SLITRK2: variants seen among roughly 807,000 people sequenced by gnomAD.
The protein encoded by SLITRK2 is SLIT and NTRK like family member 2.
A neutral mutation model predicts 35.4 loss-of-function variants in SLITRK2; 13 were observed. The ratio of observed to expected loss-of-function variants is 0.37; its 90% CI spans 0.24 to 0.58. The LOEUF (loss-of-function observed/expected upper bound fraction) is 0.58, where lower values mean the gene tolerates loss of function less well. Among genes scored for constraint, SLITRK2 ranks in the 20% least tolerant of loss-of-function variants. SLITRK2 has a pLI of 0.75. For missense variants in SLITRK2, 471 were observed against 634.3 expected (o/e 0.74, Z 2.76); for synonymous variants, 294 against 264.7 (o/e 1.11, Z -1.07).
Position 145,827,733 on chromosome X carries a change from T to C in SLITRK2, c.*2770T>C. ...TCATACATCATATACTTTGAACCTTTATTTTCTAATGCAATCATAAACATT... is the reference window on the plus strand; with the variant it reads ...TCATACATCATATACTTTGAACCTTCATTTTCTAATGCAATCATAAACATT... On this transcript the variant is annotated 3_prime_UTR_variant, in exon 5 of 5. Transcript: ENST00000335565. 1 of 1,194,901 alleles carries C rather than the reference T, an allele frequency of 8.4e-7. No homozygotes were observed. Among genetic ancestry groups the C allele is most frequent in the Non-Finnish European group, 1.1e-6 (1 of 882,649 alleles).
In SLITRK2 at chrX:145,827,783, T is replaced by G. The variant is rs3752359; in HGVS notation, c.*2820T>G. 29,302 of 1,209,931 alleles carry G rather than the reference T, an allele frequency of 0.024. 1,849 individuals carry two copies. The East Asian group carries it at 0.31, about 13-fold the overall frequency. On this transcript the variant is annotated 3_prime_UTR_variant, in exon 5 of 5. Coordinates refer to ENST00000335565, the MANE Select transcript of SLITRK2 (RefSeq NM_032539.5). ...TTTAAGTTTTATTAACTCACTAGCA[T>G]CCCCACTGACTATATTCTGTTTTGC...
At position 145,824,543 on chromosome X, in the gene SLITRK2, A is replaced by G. The variant is rs782442564; in HGVS notation, c.2118A>G (p.Gly706=). Reference sequence around the variant, plus strand: ...ACCCCATCTACATGCAGAAGGAAGGAGACCCAGTAGCCTATTACCGAAACC... The same window carrying G: ...ACCCCATCTACATGCAGAAGGAAGGGGACCCAGTAGCCTATTACCGAAACC... ...CQNPIYMQKE[G]DPVAYYRNLQ... is the part of the protein sequence containing the mutation. Residue 706 remains glycine, a synonymous_variant, in exon 5 of 5, where the codon GGA becomes GGG. Transcript: ENST00000335565. 1 of 1,210,919 alleles carries G rather than the reference A, an allele frequency of 8.3e-7. No homozygotes were observed. The highest frequency in any genetic ancestry group is 1.1e-6 in the Non-Finnish European group (1 of 895,352).
chrX:145,824,869 C>T lies in SLITRK2; in HGVS notation c.2444C>T (p.Ser815Leu). ...GTPRKCFVGQ[S>L]KPNHPLLQAK... The stretch of plus-strand genomic sequence containing the variant: ...CCCAGGAAATGCTTTGTGGGGCAGT[C>T]AAAACCCAACCACCCTTTACTGCAA... The change falls in exon 5 of 5, where the codon TCA becomes TTA. Residue 815 changes from serine (S) to leucine (L), a missense_variant. Physicochemically the swap from Ser to Leu is moderately radical, Grantham distance 145. Transcript: ENST00000335565. 1 of 1,211,653 alleles carries T rather than the reference C, an allele frequency of 8.3e-7. No homozygotes were observed. The highest frequency in any genetic ancestry group is 1.1e-6 in the Non-Finnish European group (1 of 895,532).
rs1403711186 is a variant in SLITRK2 at position 145,824,224 on chromosome X, GGTCGCTTAGTGT to G, written c.1803_1814del (p.Leu602_Ser605del). 1 of 1,209,050 alleles carries G rather than the reference GGTCGCTTAGTGT, an allele frequency of 8.3e-7. No individual in the cohort carries two copies. Among genetic ancestry groups the G allele is most frequent in the Non-Finnish European group, 1.1e-6 (1 of 894,953 alleles). ...ATGAATCACAATACAGACACACCTC[GGTCGCTTAGTGT>G]GTCTCCTAGTTCCTATCCTGAACTA... On this transcript the variant is annotated inframe_deletion, in exon 5 of 5. Transcript: ENST00000335565.
chrX:145,819,989 G>A (rs782080027), intron 1 of SLITRK2: 1 of 111,999 alleles, frequency 8.9e-6, no homozygotes, highest in Non-Finnish European at 1.9e-5. Context: ...TTCCCGGAGA[G>A]AAAGGAGCTT....
chrX:145,824,557 A>G lies in SLITRK2; in HGVS notation c.2132A>G (p.Tyr711Cys). ...CAGAAGGAAGGAGACCCAGTAGCCT[A>G]TTACCGAAACCTGCAAGAGTTCAGC... ...YMQKEGDPVA[Y>C]YRNLQEFSYS... Residue 711 changes from tyrosine to cysteine, a missense_variant, in exon 5 of 5, where the codon TAT becomes TGT. Physicochemically the swap from Tyr to Cys is radical, Grantham distance 194. Transcript: ENST00000335565. The G allele has an allele frequency of 2.5e-6, 3 of 1,210,607 alleles. No individual in the cohort carries two copies. The highest frequency in any genetic ancestry group is 3.4e-6 in the Non-Finnish European group (3 of 895,279).
Position 145,824,546 on chromosome X carries a change from C to A in SLITRK2, c.2121C>A (p.Asp707Glu), listed in dbSNP as rs1556944992. Residue 707 changes from aspartate (D) to glutamate (E), a missense_variant, in exon 5 of 5, where the codon GAC becomes GAA. This residue lies in a region of SLITRK2 where 190 missense variants were observed against 199.3 expected (regional missense o/e 0.95). Transcript: ENST00000335565. ...CCATCTACATGCAGAAGGAAGGAGA[C>A]CCAGTAGCCTATTACCGAAACCTGC... ...QNPIYMQKEGDPVAYYRNLQE... is the reference protein window; with the variant it reads ...QNPIYMQKEGEPVAYYRNLQE... The A allele has an allele frequency of 1.7e-6, 2 of 1,210,399 alleles. No individual in the cohort carries two copies. Among genetic ancestry groups the A allele is most frequent in the East Asian group, 5.9e-5 (2 of 33,770 alleles).
rs1188387866 is a variant in SLITRK2 at position 145,827,192 on chromosome X, G to A, written c.*2229G>A. On this transcript the variant is annotated 3_prime_UTR_variant, in exon 5 of 5. Coordinates refer to ENST00000335565, the MANE Select transcript of SLITRK2 (RefSeq NM_032539.5). ...AACTAGAATATTATGCTAGTTGAATGTGGAGAAGACTCCTGGAAACCACTT... is the reference window on the plus strand; with the variant it reads ...AACTAGAATATTATGCTAGTTGAATATGGAGAAGACTCCTGGAAACCACTT... The A allele has an allele frequency of 8.9e-6, 1 of 111,952 alleles. No homozygotes were observed. The highest frequency in any genetic ancestry group is 2.8e-4 in the East Asian group (1 of 3,572). 9.2% of individuals were successfully genotyped at this position (111,952 alleles called of 1,213,427 possible).
rs2073128505 is a variant in SLITRK2 at position 145,826,503 on chromosome X, G to A, written c.*1540G>A. 1 of 112,025 alleles carries A rather than the reference G, an allele frequency of 8.9e-6. No homozygotes were observed. Among genetic ancestry groups the A allele is most frequent in the South Asian group, 3.7e-4 (1 of 2,701 alleles). The allele number at this position is 112,025 out of a possible 1,213,427, so 9.2% of individuals were successfully genotyped here. ...CATTAAAATGATTTTAATTAGCCAA[G>A]TCTATATAACATTTATGAAGCCTTA... On this transcript the variant is annotated 3_prime_UTR_variant, in exon 5 of 5. Transcript: ENST00000335565.
rs782498877 is a variant in SLITRK2, at chrX:145,825,097, G to A, written c.*134G>A. 61 of 732,022 alleles carry A rather than the reference G, an allele frequency of 8.3e-5. No individual in the cohort carries two copies. In the East Asian group the frequency reaches 2.3e-3, roughly 28 times the overall value. 60.3% of individuals were successfully genotyped at this position (732,022 alleles called of 1,213,427 possible). On this transcript the variant is annotated 3_prime_UTR_variant, in exon 5 of 5. Transcript: ENST00000335565. ...TGGGGGACTTTGAAAATGTTTGGGAGATAGGATGAAGTCATGATTTTGCTT... is the reference window on the plus strand; with the variant it reads ...TGGGGGACTTTGAAAATGTTTGGGAAATAGGATGAAGTCATGATTTTGCTT...
chrX:145,824,968 A>T lies in SLITRK2; in HGVS notation c.*5A>T. ...ACTGCAATCAGTCAGCTGTGAAGGG[A>T]AATCATTTACAACCCTAAGGCATCA... On this transcript the variant is annotated 3_prime_UTR_variant, in exon 5 of 5. Transcript: ENST00000335565. The T allele has an allele frequency of 8.3e-7, 1 of 1,202,638 alleles. No individual in the cohort carries two copies. Among genetic ancestry groups the T allele is most frequent in the Non-Finnish European group, 1.1e-6 (1 of 891,647 alleles).
At position 145,827,834 on chromosome X, in the gene SLITRK2, A is replaced by G. The variant is rs146455908; in HGVS notation, c.*2871A>G. 42 of 1,210,158 alleles carry G rather than the reference A, an allele frequency of 3.5e-5. No individual in the cohort carries two copies. In the African/African-American group the frequency reaches 6.1e-4, roughly 18 times the overall value. Reference sequence around the variant, plus strand: ...TTTATCTGCTCAAGCACTTTCGACCATATTTTATTTTAGGATTTTTATTTT... The same window carrying G: ...TTTATCTGCTCAAGCACTTTCGACCGTATTTTATTTTAGGATTTTTATTTT... On this transcript the variant is annotated 3_prime_UTR_variant, in exon 5 of 5. Transcript: ENST00000335565.
rs782530079 is a variant in SLITRK2, at chrX:145,824,375, G to C, written c.1950G>C (p.Val650=). 8.3e-7 allele frequency: 1 copy of C among 1,211,211 alleles called. No homozygotes were observed. The highest frequency in any genetic ancestry group is 1.8e-5 in the South Asian group (1 of 56,925). ...FVFVLKRRKG[V]PSVPRNTNNL... ...TTGTCTTGAAACGCCGAAAGGGAGT[G>C]CCGAGCGTTCCCAGGAATACCAACA... is the stretch of plus-strand genomic sequence containing the variant. Residue 650 remains valine, a synonymous_variant, in exon 5 of 5, where the codon GTG becomes GTC. Transcript: ENST00000335565.
rs1421439647 is a variant in SLITRK2 at position 145,824,414 on chromosome X, C to T, written c.1989C>T (p.Ser663=). The change falls in exon 5 of 5, where the codon AGC becomes AGT. Residue 663 remains serine (S), a synonymous_variant. Transcript: ENST00000335565. ...GGAATACCAACAACTTAGACGTAAG[C>T]TCCTTTCAATTACAGTATGGGTCTT... The part of the protein sequence containing the change: ...VPRNTNNLDV[S]SFQLQYGSYN... 2.5e-6 allele frequency: 3 copies of T among 1,210,732 alleles called. No individual in the cohort carries two copies. The East Asian group carries it at 8.9e-5, about 36-fold the overall frequency.
rs1459159866 is a variant in SLITRK2 at position 145,823,696 on chromosome X, G to A, written c.1271G>A (p.Ser424Asn). The A allele has an allele frequency of 1.7e-6, 2 of 1,209,970 alleles. No individual in the cohort carries two copies. The highest frequency in any genetic ancestry group is 1.7e-5 in the African/African-American group (1 of 57,209). Residue 424 changes from serine (S) to asparagine (N), a missense_variant, in exon 5 of 5, where the codon AGT becomes AAT. Coordinates refer to ENST00000335565, the MANE Select transcript of SLITRK2 (RefSeq NM_032539.5). Reference sequence around the variant, plus strand: ...GAAGGTGCCTTTACAAACCTGACCAGTTTACGCAGACTTTATCTGAATGGC... The same window carrying A: ...GAAGGTGCCTTTACAAACCTGACCAATTTACGCAGACTTTATCTGAATGGC... The part of the protein sequence containing the change: ...IQEGAFTNLT[S>N]LRRLYLNGNY...
chrX:145,822,150 T>C lies in SLITRK2; in HGVS notation c.-47T>C, dbSNP rs1243326488. The stretch of plus-strand genomic sequence containing the variant: ...CGGCTGGCTGCGACCCCCCGGGAAA[T>C]CAGGTGCAAGCATGTGTGTTCCCGG... On this transcript the variant is annotated 5_prime_UTR_variant, in exon 4 of 5. Coordinates refer to ENST00000335565, the MANE Select transcript of SLITRK2 (RefSeq NM_032539.5). 15 of 306,479 alleles carry C rather than the reference T, an allele frequency of 4.9e-5. No homozygotes were observed. Among genetic ancestry groups the C allele is most frequent in the Non-Finnish European group, 8.4e-5 (15 of 178,920 alleles). The allele number at this position is 306,479 out of a possible 1,213,427, so 25.3% of individuals were successfully genotyped here. A position where few individuals can be genotyped will look rare whatever the true frequency, so the allele number is the denominator to read the frequency against.
chrX:145,828,021 T>C lies in SLITRK2; in HGVS notation c.*3058T>C. 8.7e-7 allele frequency: 1 copy of C among 1,144,845 alleles called. No individual in the cohort carries two copies. The highest frequency in any genetic ancestry group is 2.5e-4 in the Middle Eastern group (1 of 4,062). 94.3% of individuals were successfully genotyped at this position (1,144,845 alleles called of 1,213,427 possible). ...GTCTGGCCCTACAAATGACAAATGG[T>C]AATTCCCTTCTATTTTAGCTCTTAA... On this transcript the variant is annotated 3_prime_UTR_variant, in exon 5 of 5. Coordinates refer to ENST00000335565, the MANE Select transcript of SLITRK2 (RefSeq NM_032539.5).
rs2124209196 is a variant in SLITRK2, at chrX:145,824,668, C to T, written c.2243C>T (p.Thr748Ile). 8.3e-7 allele frequency: 1 copy of T among 1,211,671 alleles called. No homozygotes were observed. The highest frequency in any genetic ancestry group is 1.8e-5 in the South Asian group (1 of 56,965). ...ACTGAGCTGCTAGAAAAGCAGGCCA[C>T]ACCAAGAGAGCCTGAGCTGCTGTAT... The part of the protein sequence containing the change: ...SATELLEKQA[T>I]PREPELLYQN... Residue 748 changes from threonine (T) to isoleucine (I), a missense_variant, in exon 5 of 5, where the codon ACA (threonine) becomes ATA (isoleucine). Transcript: ENST00000335565.
Position 145,822,761 on chromosome X carries a change from C to A in SLITRK2, c.336C>A (p.Leu112=), listed in dbSNP as rs1556943891. ...RTGAFSGLKT[L]KRLHLNNNKL... is the part of the protein sequence containing the mutation. The stretch of plus-strand genomic sequence containing the variant: ...GGGCATTCAGTGGCCTGAAAACTCT[C>A]AAAAGACTGCATCTCAACAACAACA... Residue 112 remains leucine (L), a synonymous_variant, in exon 5 of 5, where the codon CTC becomes CTA. Coordinates refer to ENST00000335565, the MANE Select transcript of SLITRK2 (RefSeq NM_032539.5). The A allele has an allele frequency of 8.3e-7, 1 of 1,211,200 alleles. No homozygotes were observed. Among genetic ancestry groups the A allele is most frequent in the South Asian group, 1.8e-5 (1 of 56,871 alleles).
Sources: gnomAD v4.1 joint callset for allele counts on GRCh38, gnomAD v4.1.1 for gene constraint, gnomAD v4.1.1 regional missense constraint, MANE v1.5 for transcripts, NCBI Gene and HGNC (gene_info 2026-07-23, HGNC 2026-07-21) for gene names.